RERE: variants seen among roughly 807,000 people sequenced by gnomAD.
The protein encoded by RERE is arginine-glutamic acid dipeptide repeats, also known as arginine-glutamic acid dipeptide repeats protein.
A neutral mutation model predicts 146.1 loss-of-function variants in RERE; 40 were observed. The ratio of observed to expected loss-of-function variants is 0.27; its 90% confidence interval spans 0.21 to 0.36. The LOEUF is 0.36. Among genes scored for constraint, RERE ranks in the 10% least tolerant of loss-of-function variants. The pLI, the probability that RERE is intolerant of heterozygous loss-of-function variation, is 1.00. For synonymous variants in RERE, 1,003 were observed against 866.0 expected, an observed-to-expected ratio of 1.16 and a Z score of -2.78; for missense variants, 1,933 against 2,138.7, an observed-to-expected ratio of 0.90 and a Z score of 1.90.
intron 6 of RERE, among the ~76,000 whole-genome samples, chr1:8,542,451 G>A (rs1167619520): frequency 2.6e-5 from 4 of 151,984 alleles, no homozygotes; most frequent in East Asian, 1.9e-4. Flanking sequence ...TATCAGCGTG[G>A]GTTCATTCAT....
At chr1:8,462,528 C>G (rs187405760) in intron 11 of RERE, among the ~76,000 whole-genome samples, 1 of 152,360 alleles carries the variant, frequency 6.6e-6, no homozygotes, top group East Asian at 1.9e-4. Flanking sequence ...CTTCATAGAG[C>G]AGCAGGCCTG....
Position 8,479,133 on chromosome 1 carries a change from C to T in RERE, c.1105-13110G>A, listed in dbSNP as rs1383854086. On this transcript the variant is annotated intron_variant, in intron 10 of 22. Coordinates refer to ENST00000400908, the MANE Select transcript of RERE (RefSeq NM_001042681.2). ...GGCAAGGTGGCTCACACCTGTAATC[C>T]CAGCACTTTCAGAAGCCAAGGCAAG... is the stretch of plus-strand genomic sequence containing the variant. Among the ~76,000 whole-genome samples, 4 of 152,044 alleles carry T rather than the reference C, an allele frequency of 2.6e-5. No homozygotes were observed. In the South Asian group the frequency reaches 8.3e-4, roughly 32 times the overall value.
chr1:8,676,274 A>C (rs1638838152), intron 1 of RERE, among the ~76,000 whole-genome samples: 1 of 152,204 alleles, frequency 6.6e-6, no homozygotes, highest in Non-Finnish European at 1.5e-5. Context: ...CTCAGTGGGA[A>C]TCTGACATCT....
chr1:8,613,056 A>G (rs1429755352), intron 4 of RERE, among the ~76,000 whole-genome samples: 3 of 152,212 alleles, frequency 2.0e-5, no homozygotes, highest in Non-Finnish European at 4.4e-5. Flanking sequence ...ACAATTATCA[A>G]TATATCATCT....
At chr1:8,529,321 G>T (rs1179087995) in intron 7 of RERE, among the ~76,000 whole-genome samples, 4 of 120,370 alleles carry the variant, frequency 3.3e-5, no homozygotes, top group Non-Finnish European at 4.8e-5. Context: ...ATGGAGTCTC[G>T]CTCTGTTGCA....
At chr1:8,691,872 G>C (rs991940015) in intron 1 of RERE, among the ~76,000 whole-genome samples, 2 of 152,184 alleles carry the variant, frequency 1.3e-5, no homozygotes, top group African/African-American at 4.8e-5. Flanking sequence ...CCTGGAAGTA[G>C]TTCTAACCTC....
chr1:8,496,872 T>G (rs935826671), intron 9 of RERE, among the ~76,000 whole-genome samples: 8 of 152,170 alleles, frequency 5.3e-5, no homozygotes, highest in Non-Finnish European at 1.2e-4. Context: ...TGTAGAGGGT[T>G]TTGTTTTTGT....
Position 8,806,195 on chromosome 1 carries a change from G to A in RERE, c.-145+10965C>T, listed in dbSNP as rs1641689542. On this transcript the variant is annotated intron_variant, in intron 1 of 22. Coordinates refer to ENST00000400908, the MANE Select transcript of RERE (RefSeq NM_001042681.2). Reference sequence around the variant, plus strand: ...TATTCAAATAACTAAGCTCTAAAATGTTTTTTCTACACTATATTTGAGGTA... The same window carrying A: ...TATTCAAATAACTAAGCTCTAAAATATTTTTTCTACACTATATTTGAGGTA... 2.0e-5 allele frequency among the ~76,000 whole-genome samples: 3 copies of A among 151,970 alleles called. No homozygotes were observed. The South Asian group carries it at 6.2e-4, about 32-fold the overall frequency.
At chr1:8,771,538 A>T (rs1640950979) in intron 1 of RERE, among the ~76,000 whole-genome samples, 1 of 142,224 alleles carries the variant, frequency 7.0e-6, no homozygotes, top group Non-Finnish European at 1.5e-5. Context: ...AAAAAAAAAA[A>T]CTATTAGGAA....
intron 8 of RERE, among the ~76,000 whole-genome samples, chr1:8,507,072 C>CCAGA (rs1557664298): frequency 2.0e-5 from 3 of 152,108 alleles, no homozygotes; most frequent in Non-Finnish European, 4.4e-5. Flanking sequence ...AGAAACAGAG[C>CCAGA]CAGAGTCCTG....
At chr1:8,563,958 A>C (rs1646108512) in intron 4 of RERE, among the ~76,000 whole-genome samples, 1 of 152,248 alleles carries the variant, frequency 6.6e-6, no homozygotes, top group Non-Finnish European at 1.5e-5. Flanking sequence ...CTAATTAAGC[A>C]TACAGAGGGG....
At chr1:8,687,716 A>G (rs1223373496) in intron 1 of RERE, among the ~76,000 whole-genome samples, 1 of 152,272 alleles carries the variant, frequency 6.6e-6, no homozygotes, top group African/African-American at 2.4e-5. Context: ...TTCGTCATAC[A>G]TAACTTGAAG....
At chr1:8,373,762 T>G (rs542957974) in intron 12 of RERE, among the ~76,000 whole-genome samples, 1 of 152,314 alleles carries the variant, frequency 6.6e-6, no homozygotes, top group East Asian at 1.9e-4. Flanking sequence ...CCCCAACGAT[T>G]CAAGGGCTGG....
intron 1 of RERE, among the ~76,000 whole-genome samples, chr1:8,659,797 T>G (rs1032097315): frequency 6.6e-6 from 1 of 152,186 alleles, no homozygotes; most frequent in South Asian, 2.1e-4. Flanking sequence ...AAACATTTTT[T>G]CAGCACTCAA....
At chr1:8,655,794 G>GC (rs1254535447) in intron 2 of RERE, among the ~76,000 whole-genome samples, 179 bp downstream of exon 2, 1 of 152,144 alleles carries the variant, frequency 6.6e-6, no homozygotes, top group African/African-American at 2.4e-5. Flanking sequence ...GCAGACACAA[G>GC]CAAGAAGTGG....
intron 1 of RERE, among the ~76,000 whole-genome samples, chr1:8,681,157 G>A (rs1314204194): frequency 2.6e-5 from 4 of 152,134 alleles, no homozygotes; most frequent in Non-Finnish European, 5.9e-5. Flanking sequence ...AACAAACGGG[G>A]CAGGGGGCAG....
intron 1 of RERE, among the ~76,000 whole-genome samples, chr1:8,692,705 G>A (rs954208191): frequency 1.3e-5 from 2 of 151,922 alleles, no homozygotes; most frequent in African/African-American, 4.8e-5. Flanking sequence ...TAATATAAAC[G>A]CTATATTTTT....
At chr1:8,451,696 T>C (rs1644392847) in intron 11 of RERE, among the ~76,000 whole-genome samples, 1 of 152,112 alleles carries the variant, frequency 6.6e-6, no homozygotes, top group Admixed American at 6.5e-5. Flanking sequence ...ATAGTCCTGA[T>C]CCAGTCCAGT....
intron 4 of RERE, among the ~76,000 whole-genome samples, chr1:8,594,031 T>TA (rs1442261306): frequency 6.6e-6 from 1 of 152,212 alleles, no homozygotes; most frequent in Non-Finnish European, 1.5e-5. Flanking sequence ...TGGGGTTATA[T>TA]AATAAACAGC....
Sources: gnomAD v4.1 joint callset for allele counts (sites outside exome capture counted in the v4.1 genomes callset) on GRCh38, gnomAD v4.1.1 for gene constraint, MANE v1.5 for transcripts, NCBI Gene and HGNC (gene_info 2026-07-23, HGNC 2026-07-21) for gene names.